The following PLCD4 variants were observed in gnomAD, a reference collection of about 807,000 sequenced individuals.
PLCD4 encodes 1-phosphatidylinositol 4,5-bisphosphate phosphodiesterase delta-4.
Under a neutral mutation model 90.2 loss-of-function variants are expected in PLCD4, and 63 were observed. That is an observed-to-expected ratio of 0.70 (90% CI 0.57 to 0.86). PLCD4 has a LOEUF of 0.86. Among genes scored for constraint, PLCD4 ranks in the 40% least tolerant of loss-of-function variants. The probability of loss-of-function intolerance (pLI) is 0.00; values close to 1 mark genes in which losing one functional copy is unlikely to be tolerated. For synonymous variants in PLCD4, 294 were observed against 356.5 expected, an observed-to-expected ratio of 0.82 and a Z score of 1.97; for missense variants, 830 against 956.3, an observed-to-expected ratio of 0.87 and a Z score of 1.74.
chr2:218,637,059 A>C lies in PLCD4; in HGVS notation c.*482A>C. The C allele has an allele frequency of 5.1e-6, 2 of 391,522 alleles. No individual in the cohort carries two copies. The highest frequency in any genetic ancestry group is 4.2e-5 in the African/African-American group (2 of 47,882). The allele number at this position is 391,522 out of a possible 1,614,324, so 24.3% of individuals were successfully genotyped here. On this transcript the variant is annotated 3_prime_UTR_variant, in exon 16 of 16. Coordinates refer to ENST00000450993, the MANE Select transcript of PLCD4 (RefSeq NM_032726.4). The stretch of plus-strand genomic sequence containing the variant: ...GGCTTCCCCAGCAAAGATTAGGGAA[A>C]GAGACTTGACCCCAGGACTGTACTA...
intron 5 of PLCD4, 104 bp downstream of exon 5, chr2:218,621,703 C>G: frequency 7.1e-7 from 1 of 1,412,074 alleles, no homozygotes; most frequent in Non-Finnish European, 9.9e-7. Context: ...TAAATCTCTG[C>G]TATGTGCCCT....
chr2:218,635,784 C>T lies in PLCD4; in HGVS notation c.1897-12C>T. On this transcript the variant is annotated splice_polypyrimidine_tract_variant and intron_variant, in intron 13 of 15. Transcript: ENST00000450993. The stretch of plus-strand genomic sequence containing the variant: ...AGCAGGAACTTGTGAGATTCCAGAG[C>T]CCTGACTACAGGTGATCAGCGGTCA... 1.2e-6 allele frequency: 2 copies of T among 1,609,552 alleles called. No individual in the cohort carries two copies. Among genetic ancestry groups the T allele is most frequent in the Non-Finnish European group, 8.5e-7 (1 of 1,178,040 alleles).
At chr2:218,608,867 G>A (rs974253890) in intron 1 of PLCD4, among the ~76,000 whole-genome samples, 105 of 152,080 alleles carry the variant, frequency 6.9e-4, no homozygotes, top group Middle Eastern at 3.2e-3. Context: ...GGCCGGGCGC[G>A]GTGGCTCACA....
intron 6 of PLCD4, among the ~76,000 whole-genome samples, chr2:218,627,455 T>TAA (rs796099156): frequency 3.5e-5 from 5 of 144,834 alleles, no homozygotes; most frequent in East Asian, 2.0e-4. Context: ...AAAAAAAAGT[T>TAA]AAAAAAAAAA....
intron 10 of PLCD4, chr2:218,633,303 A>G: frequency 1.4e-6 from 1 of 693,280 alleles, no homozygotes; most frequent in Non-Finnish European, 2.6e-6. Flanking sequence ...CCAGGATATA[A>G]CATAGAGCAA....
intron 8 of PLCD4, among the ~76,000 whole-genome samples, chr2:218,630,315 G>A (rs756226221): frequency 2.6e-5 from 4 of 152,222 alleles, no homozygotes; most frequent in Non-Finnish European, 4.4e-5. Flanking sequence ...AAGCATGAGA[G>A]TGCAACATGA....
intron 10 of PLCD4, among the ~76,000 whole-genome samples, chr2:218,632,572 G>A (rs775126554): frequency 2.0e-4 from 30 of 152,002 alleles, no homozygotes; most frequent in Non-Finnish European, 3.8e-4. Context: ...ATAGATAAAC[G>A]CAGAACCATC....
At chr2:218,626,217 C>T (rs979293335) in intron 6 of PLCD4, among the ~76,000 whole-genome samples, 3 of 150,954 alleles carry the variant, frequency 2.0e-5, no homozygotes, top group Admixed American at 6.6e-5. Flanking sequence ...GTGATTGTGC[C>T]ACTGTATCCA....
At chr2:218,635,989 A>T in intron 14 of PLCD4, 58 bp downstream of exon 14, 4 of 1,611,030 alleles carry the variant, frequency 2.5e-6, no homozygotes, top group Non-Finnish European at 3.4e-6. Context: ...TTTTCCTTCT[A>T]GTCTGTCTTC....
intron 4 of PLCD4, among the ~76,000 whole-genome samples, 198 bp from the exon 5 acceptor site, chr2:218,621,272 G>A (rs1254586285): frequency 6.6e-6 from 1 of 152,220 alleles, no homozygotes; most frequent in East Asian, 1.9e-4. Context: ...GGAGGTCCCT[G>A]CAGGTGCCTG....
intron 1 of PLCD4, among the ~76,000 whole-genome samples, chr2:218,613,140 C>T (rs1034117830): frequency 3.3e-5 from 5 of 152,024 alleles, no homozygotes; most frequent in Non-Finnish European, 5.9e-5. Flanking sequence ...CCTGTAATCC[C>T]GGCACTTTGG....
At chr2:218,633,823 C>A in intron 11 of PLCD4, 62 bp downstream of exon 11, 1 of 1,576,038 alleles carries the variant, frequency 6.3e-7, no homozygotes, top group Non-Finnish European at 8.7e-7. Flanking sequence ...GCCTGATGGA[C>A]TGGCAGGTAA....
intron 5 of PLCD4, 132 bp downstream of exon 5, chr2:218,621,731 C>T: frequency 8.6e-7 from 1 of 1,168,260 alleles, no homozygotes; most frequent in South Asian, 1.4e-5. Flanking sequence ...AGGCTCAATG[C>T]CCTAGGCTCA....
intron 6 of PLCD4, among the ~76,000 whole-genome samples, chr2:218,626,617 A>G (rs910695139): frequency 1.3e-5 from 2 of 152,222 alleles, no homozygotes; most frequent in South Asian, 2.1e-4. Context: ...TGAGTGCTTG[A>G]TAACTGTTAG....
intron 3 of PLCD4, among the ~76,000 whole-genome samples, chr2:218,616,933 G>T (rs868399073): frequency 0.34 from 3,397 of 10,104 alleles, 38 homozygotes; most frequent in Non-Finnish European, 0.38. Context: ...TATATAGAGA[G>T]AGAGAGAGAG....
At chr2:218,627,125 G>C (rs1459790020) in intron 6 of PLCD4, among the ~76,000 whole-genome samples, 2 of 151,574 alleles carry the variant, frequency 1.3e-5, no homozygotes, top group Admixed American at 6.6e-5. Flanking sequence ...GCCGGGTGTA[G>C]TGGGGGGCGC....
chr2:218,618,669 T>C lies in PLCD4; in HGVS notation c.272T>C (p.Phe91Ser), dbSNP rs1695734610. The C allele has an allele frequency of 1.2e-6, 2 of 1,613,858 alleles. No homozygotes were observed. Among genetic ancestry groups the C allele is most frequent in the South Asian group, 2.2e-5 (2 of 91,088 alleles). ...LAEELPLEQG[F>S]TIVFHGRRSN... ...GAGGAGCTCCCCCTGGAGCAGGGCTTCACCATTGTCTTCCATGGCCGCCGC... is the reference window on the plus strand; with the variant it reads ...GAGGAGCTCCCCCTGGAGCAGGGCTCCACCATTGTCTTCCATGGCCGCCGC... Residue 91 changes from phenylalanine to serine, a missense_variant, in exon 4 of 16, where the codon TTC becomes TCC. Phe to Ser is a radical substitution (Grantham distance 155). Transcript: ENST00000450993.
At chr2:218,622,935 T>G in intron 6 of PLCD4, 57 bp downstream of exon 6, 1 of 1,470,016 alleles carries the variant, frequency 6.8e-7, no homozygotes, top group South Asian at 1.2e-5. Context: ...AGGGACATGA[T>G]TACAAGGTCC....
Position 218,633,710 on chromosome 2 carries a change from G to A in PLCD4, c.1555G>A (p.Glu519Lys), listed in dbSNP as rs200474131. 4.5e-5 allele frequency: 72 copies of A among 1,613,744 alleles called. No homozygotes were observed. The highest frequency in any genetic ancestry group is 1.6e-4 in the Middle Eastern group (1 of 6,084). ...TTCAAAGGAGCACTACCACTTCTACGAGATATCATCTTTCTCTGAAACCAA... is the reference window on the plus strand; with the variant it reads ...TTCAAAGGAGCACTACCACTTCTACAAGATATCATCTTTCTCTGAAACCAA... ...THSKEHYHFY[E>K]ISSFSETKAK... is the part of the protein sequence containing the mutation. The change falls in exon 11 of 16, where the codon GAG (glutamate) becomes AAG (lysine). Residue 519 changes from glutamate (E) to lysine (K), a missense_variant. Transcript: ENST00000450993.
Sources: gnomAD v4.1 joint callset for allele counts (sites outside exome capture counted in the v4.1 genomes callset) on GRCh38, gnomAD v4.1.1 for gene constraint, MANE v1.5 for transcripts, NCBI Gene and HGNC (gene_info 2026-07-23, HGNC 2026-07-21) for gene names.